CASP4: variants seen among roughly 807,000 people sequenced by gnomAD.
The protein encoded by CASP4 is caspase 4.
CASP4 carries 29 observed loss-of-function variants against 41.3 expected under a neutral mutation model. That is an observed-to-expected ratio of 0.70 (90% confidence interval 0.52 to 0.96). The LOEUF (loss-of-function observed/expected upper bound fraction) is 0.96. Ranked by LOEUF, CASP4 falls within the 40% of genes least tolerant of loss-of-function variation. The pLI, the probability that CASP4 is intolerant of heterozygous loss-of-function variation, is 0.00. For missense variants in CASP4, 447 were observed against 460.6 expected, an observed-to-expected ratio of 0.97 and a Z score of 0.27; for synonymous variants, 185 against 158.4, an observed-to-expected ratio of 1.17 and a Z score of -1.26.
chr11:104,962,398 T>C (rs1351998856), intron 1 of CASP4, among the ~76,000 whole-genome samples: 2 of 152,154 alleles, frequency 1.3e-5, no homozygotes, highest in Non-Finnish European at 2.9e-5. Context: ...TTTTGATTAA[T>C]AGAAAAAAGA....
At chr11:104,966,994 A>G (rs560854632) in intron 1 of CASP4, among the ~76,000 whole-genome samples, 1 of 152,316 alleles carries the variant, frequency 6.6e-6, no homozygotes, top group Non-Finnish European at 1.5e-5. Context: ...ACTATAGATT[A>G]TTTTTTGTTA....
intron 7 of CASP4, among the ~76,000 whole-genome samples, chr11:104,945,657 T>G (rs1341831811): frequency 6.6e-6 from 1 of 152,188 alleles, no homozygotes; most frequent in African/African-American, 2.4e-5. Flanking sequence ...GTAAGTCTAC[T>G]TATCCTAAAT....
chr11:104,951,408 T>A, intron 3 of CASP4: 1 of 260,972 alleles, frequency 3.8e-6, no homozygotes, highest in South Asian at 7.4e-5. Context: ...GATGTTGTCG[T>A]TGACTCCAGT....
At chr11:104,958,622 G>A (rs1188158910) in intron 1 of CASP4, among the ~76,000 whole-genome samples, 1 of 152,056 alleles carries the variant, frequency 6.6e-6, no homozygotes, top group Admixed American at 6.6e-5. Flanking sequence ...ATAACAAATG[G>A]TGGAGAGGAT....
intron 2 of CASP4, among the ~76,000 whole-genome samples, chr11:104,952,807 G>A (rs1452368673): frequency 6.6e-6 from 1 of 152,186 alleles, no homozygotes; most frequent in East Asian, 1.9e-4. Flanking sequence ...GAGCTCTGGA[G>A]ATGTAACAAG....
intron 1 of CASP4, among the ~76,000 whole-genome samples, chr11:104,961,947 G>A (rs964747718): frequency 3.9e-5 from 6 of 152,156 alleles, no homozygotes; most frequent in South Asian, 2.1e-4. Context: ...TTCTGAGGTC[G>A]TCCCTCCCCA....
chr11:104,943,131 C>T (rs957970848), intron 8 of CASP4, 158 bp from the exon 9 acceptor site: 1 of 358,756 alleles, frequency 2.8e-6, no homozygotes, highest in Non-Finnish European at 5.4e-6. Context: ...AAAATGTGAT[C>T]TTTGTAAAAC....
rs776815484 is a variant in CASP4, at chr11:104,944,738, A to T, written c.*5+10T>A. 5.9e-6 allele frequency: 9 copies of T among 1,529,442 alleles called. No individual in the cohort carries two copies. The highest frequency in any genetic ancestry group is 8.2e-6 in the Non-Finnish European group (9 of 1,103,298). 94.7% of individuals were successfully genotyped at this position (1,529,442 alleles called of 1,614,324 possible). ...ATTTCACATACCACCAACAACTCTC[A>T]ATACTTAACCATTTTCAATTGCCAG... On this transcript the variant is annotated intron_variant, in intron 8 of 8. Coordinates refer to ENST00000444739, the MANE Select transcript of CASP4 (RefSeq NM_001225.4).
At chr11:104,944,520 G>A in intron 8 of CASP4, 1 of 460,788 alleles carries the variant, frequency 2.2e-6, no homozygotes, top group Non-Finnish European at 3.9e-6. Flanking sequence ...TTCTGCTGCG[G>A]TTTTCCTTAC....
chr11:104,949,901 T>TGCA, intron 4 of CASP4, 124 bp from the exon 5 acceptor site: 1 of 854,460 alleles, frequency 1.2e-6, no homozygotes, highest in South Asian at 1.6e-5. Flanking sequence ...CACTTAGTGC[T>TGCA]TACTCAGTCA....
intron 7 of CASP4, among the ~76,000 whole-genome samples, chr11:104,945,249 T>TTTTATC (rs907815363): frequency 2.2e-5 from 1 of 46,090 alleles, no homozygotes; most frequent in African/African-American, 5.9e-5. Context: ...GTATCTTATC[T>TTTTATC]TTCTTTTTTT....
chr11:104,944,979 G>A, intron 7 of CASP4, 128 bp from the exon 8 acceptor site: 1 of 666,742 alleles, frequency 1.5e-6, no homozygotes, highest in Non-Finnish European at 2.7e-6. Flanking sequence ...AAGCCCATGG[G>A]CATTCTAACT....
chr11:104,967,877 T>A (rs1184793401), intron 1 of CASP4, among the ~76,000 whole-genome samples: 1 of 152,218 alleles, frequency 6.6e-6, no homozygotes, highest in Non-Finnish European at 1.5e-5. Flanking sequence ...CTTAGGCTTT[T>A]TCAGCTTCTG....
chr11:104,964,773 A>C (rs1860936348), intron 1 of CASP4, among the ~76,000 whole-genome samples: 1 of 152,202 alleles, frequency 6.6e-6, no homozygotes. Context: ...GGACCTTGAG[A>C]GGAGAGGAAT....
At chr11:104,966,284 C>G (rs1408633341) in intron 1 of CASP4, among the ~76,000 whole-genome samples, 1 of 151,720 alleles carries the variant, frequency 6.6e-6, no homozygotes, top group Admixed American at 6.6e-5. Context: ...TTGGATATTT[C>G]AACAGAAGGA....
At chr11:104,949,373 A>G in intron 5 of CASP4, 170 bp downstream of exon 5, 1 of 688,516 alleles carries the variant, frequency 1.5e-6, no homozygotes, top group South Asian at 2.0e-5. Flanking sequence ...ACTAATTTTG[A>G]TGAGACAATT....
chr11:104,959,971 A>G (rs1860821863), intron 1 of CASP4, among the ~76,000 whole-genome samples: 1 of 152,188 alleles, frequency 6.6e-6, no homozygotes, highest in East Asian at 1.9e-4. Flanking sequence ...ACTCTTTGCA[A>G]CGAAGAGTGT....
intron 8 of CASP4, 190 bp from the exon 9 acceptor site, chr11:104,943,163 C>A (rs1343697379): frequency 6.0e-6 from 2 of 333,900 alleles, no homozygotes; most frequent in Non-Finnish European, 1.2e-5. Context: ...CATATTACTT[C>A]TTTTTTCTAA....
At chr11:104,956,766 A>G (rs1400211977) in intron 1 of CASP4, 1 of 287,676 alleles carries the variant, frequency 3.5e-6, no homozygotes. Flanking sequence ...TGTGATTTGC[A>G]AACAGTACAC....
Sources: gnomAD v4.1 joint callset for allele counts (sites outside exome capture counted in the v4.1 genomes callset) on GRCh38, gnomAD v4.1.1 for gene constraint, MANE v1.5 for transcripts, NCBI Gene and HGNC (gene_info 2026-07-23, HGNC 2026-07-21) for gene names.